Variants in IL23R observed in about 807,000 individuals in gnomAD.
IL23R encodes the protein interleukin 23 receptor.
In IL23R, 34 loss-of-function variants were observed where a neutral mutation model predicts 56.9. The observed-to-expected ratio is 0.60, with a 90% CI of 0.45 to 0.80. The LOEUF (loss-of-function observed/expected upper bound fraction) is 0.80, where lower values mean the gene tolerates loss of function less well. Ranked by LOEUF, IL23R falls within the 30% of genes least tolerant of loss-of-function variation. IL23R has a pLI of 0.00. For synonymous variants in IL23R, 230 were observed against 249.2 expected, an observed-to-expected ratio of 0.92 and a Z score of 0.73; for missense variants, 635 against 730.0, an observed-to-expected ratio of 0.87 and a Z score of 1.50.
chr1:67,240,381 A>T, intron 9 of IL23R, 100 bp downstream of exon 9: 2 of 753,492 alleles, frequency 2.7e-6, no homozygotes, highest in Non-Finnish European at 2.3e-6. Context: ...ATCTGTTAAC[A>T]TTTTTATTCA....
chr1:67,180,961 G>A (rs1647131811), intron 3 of IL23R, among the ~76,000 whole-genome samples: 1 of 152,158 alleles, frequency 6.6e-6, no homozygotes, highest in South Asian at 2.1e-4. Flanking sequence ...ACTCTCTTCT[G>A]GCTTTTAGAG....
intron 3 of IL23R, among the ~76,000 whole-genome samples, chr1:67,180,977 G>C (rs1288976816): frequency 1.3e-5 from 2 of 152,176 alleles, no homozygotes; most frequent in Non-Finnish European, 2.9e-5. Context: ...TAGAGTTTCT[G>C]CTGAGAGATC....
rs368210076 is a variant in IL23R, at chr1:67,255,817, G to A, written c.1149-20G>A. 4.6e-4 allele frequency: 537 copies of A among 1,176,232 alleles called. No individual in the cohort carries two copies. The highest frequency in any genetic ancestry group is 4.2e-3 in the Middle Eastern group (22 of 5,220). The allele number at this position is 1,176,232 out of a possible 1,614,324, so 72.9% of individuals were successfully genotyped here. The stretch of plus-strand genomic sequence containing the variant: ...TATATGATTGCCTGCTTCTTCTAAC[G>A]TGTCATTTTTGTTTTTTAGGATTAA... On this transcript the variant is annotated intron_variant, in intron 9 of 10. Coordinates refer to ENST00000347310, the MANE Select transcript of IL23R (RefSeq NM_144701.3).
At chr1:67,247,281 T>A (rs1211374056) in intron 9 of IL23R, among the ~76,000 whole-genome samples, 1 of 152,164 alleles carries the variant, frequency 6.6e-6, no homozygotes, top group South Asian at 2.1e-4. Flanking sequence ...TCTGTGTCTT[T>A]TAATTGGGGC....
At chr1:67,252,709 A>T (rs1652707505) in intron 9 of IL23R, among the ~76,000 whole-genome samples, 1 of 152,064 alleles carries the variant, frequency 6.6e-6, no homozygotes, top group Admixed American at 6.6e-5. Flanking sequence ...AAAGGAGTTT[A>T]ATTGAGCAAT....
chr1:67,188,142 G>A (rs917284820), intron 4 of IL23R, among the ~76,000 whole-genome samples: 5 of 152,216 alleles, frequency 3.3e-5, no homozygotes, highest in Non-Finnish European at 5.9e-5. Flanking sequence ...ATAATTATAT[G>A]TAGTAACAGA....
chr1:67,258,657 A>C lies in IL23R; in HGVS notation c.1419A>C (p.Thr473=). 1 of 1,613,948 alleles carries C rather than the reference A, an allele frequency of 6.2e-7. No homozygotes were observed. Among genetic ancestry groups the C allele is most frequent in the Non-Finnish European group, 8.5e-7 (1 of 1,179,954 alleles). The change falls in exon 11 of 11, where the codon ACA becomes ACC. Residue 473 remains threonine (T), a synonymous_variant. Transcript: ENST00000347310. ...YPQNSLFDNT[T]VVYIPDLNTG... Reference sequence around the variant, plus strand: ...AAAACTCGCTATTCGACAATACTACAGTTGTATATATTCCTGATCTCAACA... The same window carrying C: ...AAAACTCGCTATTCGACAATACTACCGTTGTATATATTCCTGATCTCAACA...
At chr1:67,161,922 G>A (rs1646824893), upstream of IL23R, among the ~76,000 whole-genome samples, 1 of 151,790 alleles carries the variant, frequency 6.6e-6, no homozygotes, top group Admixed American at 6.6e-5. Context: ...CACCATTCCA[G>A]GCCCAAAATA....
At chr1:67,168,259 C>A in intron 2 of IL23R, 69 bp downstream of exon 2, 1 of 1,143,376 alleles carries the variant, frequency 8.7e-7, no homozygotes, top group Non-Finnish European at 1.3e-6. Context: ...TTATCATTTT[C>A]ATGGTTTTAT....
rs185042326 is a variant in IL23R, at chr1:67,197,591, G to A, written c.492-3146G>A. ...CAGAAGAATGAGTGAACAAGGGGTG[G>A]GACAAGAGGCTAGGAGATTTGAGGA... On this transcript the variant is annotated intron_variant, in intron 4 of 10. Coordinates refer to ENST00000347310, the MANE Select transcript of IL23R (RefSeq NM_144701.3). 3.8e-3 allele frequency among the ~76,000 whole-genome samples: 572 copies of A among 152,260 alleles called. 14 individuals carry two copies. The highest frequency in any genetic ancestry group is 0.036 in the Admixed American group (543 of 15,282).
chr1:67,238,882 T>A (rs560635779), intron 8 of IL23R, among the ~76,000 whole-genome samples: 1 of 152,180 alleles, frequency 6.6e-6, no homozygotes, highest in East Asian at 1.9e-4. Context: ...TGAGCTAGAG[T>A]TACTCAGACT....
intron 3 of IL23R, among the ~76,000 whole-genome samples, chr1:67,172,033 T>C (rs1189429524): frequency 6.6e-6 from 1 of 152,218 alleles, no homozygotes; most frequent in Non-Finnish European, 1.5e-5. Flanking sequence ...TTTGAGTTTG[T>C]GAATTGTAAC....
At chr1:67,147,330 T>C (rs1311708174) in intron 1 of IL23R, among the ~76,000 whole-genome samples, 2 of 152,198 alleles carry the variant, frequency 1.3e-5, no homozygotes, top group Non-Finnish European at 2.9e-5. Flanking sequence ...CATAGTGAGT[T>C]TGAGTTGAAT....
rs370963031 is a variant in IL23R at position 67,259,689 on chromosome 1, C to T, written c.*561C>T. The T allele has an allele frequency of 2.5e-5, 4 of 157,210 alleles. No homozygotes were observed. Among genetic ancestry groups the T allele is most frequent in the East Asian group, 1.8e-4 (1 of 5,448 alleles). 9.7% of individuals were successfully genotyped at this position (157,210 alleles called of 1,614,324 possible). A position where few individuals can be genotyped will look rare whatever the true frequency, so the allele number is the denominator to read the frequency against. Reference sequence around the variant, plus strand: ...TTTAAAATAGAATCATTAGGCCAGGCGTGGTGGCTCATGCTTGTAATCCCA... The same window carrying T: ...TTTAAAATAGAATCATTAGGCCAGGTGTGGTGGCTCATGCTTGTAATCCCA... On this transcript the variant is annotated 3_prime_UTR_variant, in exon 11 of 11. Coordinates refer to ENST00000347310, the MANE Select transcript of IL23R (RefSeq NM_144701.3).
At chr1:67,138,905 C>T (rs1646608046), upstream of IL23R, 1 of 152,354 alleles carries the variant, frequency 6.6e-6, no homozygotes, top group African/African-American at 2.4e-5. Flanking sequence ...AAGCAGGTGA[C>T]TAATGGGAGG....
chr1:67,186,407 T>G (rs1215453419), intron 4 of IL23R, among the ~76,000 whole-genome samples: 1 of 152,078 alleles, frequency 6.6e-6, no homozygotes, highest in Non-Finnish European at 1.5e-5. Flanking sequence ...ATTCCTTGAG[T>G]TTTAGCACCC....
chr1:67,194,130 G>C (rs1570819998), intron 4 of IL23R, among the ~76,000 whole-genome samples: 1 of 152,282 alleles, frequency 6.6e-6, no homozygotes, highest in East Asian at 1.9e-4. Flanking sequence ...CACCCTGCAG[G>C]CATCCTCATA....
chr1:67,263,787 C>T (rs1017233071), downstream of IL23R, among the ~76,000 whole-genome samples: 7 of 151,928 alleles, frequency 4.6e-5, no homozygotes, highest in African/African-American at 1.7e-4. Context: ...GGTGCCTAAC[C>T]CAGGAGGTGG....
intron 6 of IL23R, among the ~76,000 whole-genome samples, chr1:67,212,541 A>G (rs1228139489): frequency 1.2e-5 from 1 of 82,674 alleles, no homozygotes; most frequent in Non-Finnish European, 2.3e-5. Context: ...TAGTCATGCA[A>G]TCTTTTTTTT....
Sources: allele counts gnomAD v4.1 joint callset (sites outside exome capture counted in the v4.1 genomes callset), GRCh38; gene constraint gnomAD v4.1.1; transcripts MANE v1.5; gene names NCBI Gene and HGNC (gene_info 2026-07-23, HGNC 2026-07-21).